The following APH1B variants were observed in gnomAD, a reference collection of about 807,000 sequenced individuals.
APH1B encodes gamma-secretase subunit APH-1B.
A neutral mutation model predicts 28.2 loss-of-function variants in APH1B; 27 were observed. The observed-to-expected ratio is 0.96, with a 90% confidence interval of 0.70 to 1.32. The LOEUF (loss-of-function observed/expected upper bound fraction) is 1.32, where lower values mean the gene tolerates loss of function less well. Ranked by LOEUF, APH1B falls within the 40% of genes most tolerant of loss-of-function variation. The pLI, the probability that APH1B is intolerant of heterozygous loss-of-function variation, is 0.00. For missense variants in APH1B, 305 were observed against 313.6 expected, an observed-to-expected ratio of 0.97 and a Z score of 0.21; for synonymous variants, 141 against 124.6, an observed-to-expected ratio of 1.13 and a Z score of -0.88.
intron 4 of APH1B, among the ~76,000 whole-genome samples, chr15:63,290,123 T>G (rs2038490453): frequency 6.6e-6 from 1 of 152,228 alleles, no homozygotes; most frequent in Non-Finnish European, 1.5e-5. Context: ...CCCAAACATT[T>G]CAGATAAGGG....
chr15:63,284,540 G>A (rs1455203612), intron 2 of APH1B, among the ~76,000 whole-genome samples: 2 of 150,492 alleles, frequency 1.3e-5, no homozygotes, highest in Non-Finnish European at 2.9e-5. Context: ...TTATATGACT[G>A]GCATTGCACT....
intron 1 of APH1B, chr15:63,278,371 G>C (rs1243536747): frequency 1.5e-5 from 7 of 456,452 alleles, no homozygotes; most frequent in Non-Finnish European, 3.1e-5. Flanking sequence ...ACCGGACTCT[G>C]GTGTCCCATC....
At position 63,304,799 on chromosome 15, in the gene APH1B, G is replaced by A. The variant is rs1045710331; in HGVS notation, c.607-815G>A. Among the ~76,000 whole-genome samples the A allele has an allele frequency of 6.6e-6, 1 of 152,188 alleles. No individual in the cohort carries two copies. The highest frequency in any genetic ancestry group is 2.4e-5 in the African/African-American group (1 of 41,434). On this transcript the variant is annotated intron_variant, in intron 5 of 5. Coordinates refer to ENST00000261879, the MANE Select transcript of APH1B (RefSeq NM_031301.4). The surrounding 1 kb of genome is among the most constrained non-coding windows in gnomAD (Gnocchi z 5.1). ...ACAATACAAAACAGTGCAGCACTCT[G>A]TAAAATGAGTTAAAATTCAGTGGAT...
chr15:63,278,242 G>GA (rs11359006), intron 1 of APH1B: 27,134 of 417,628 alleles, frequency 0.065, 6 homozygotes, highest in Non-Finnish European at 0.083. Context: ...TCGGGCTTCA[G>GA]AAAAAAAAAA....
intron 4 of APH1B, among the ~76,000 whole-genome samples, chr15:63,296,618 A>G (rs1039303096): frequency 3.3e-5 from 5 of 151,212 alleles, no homozygotes; most frequent in Non-Finnish European, 7.4e-5. Flanking sequence ...TTTGGGGTAT[A>G]TTCAGGAAGG....
At chr15:63,287,395 G>A in intron 3 of APH1B, 29 bp from the exon 4 acceptor site, 1 of 1,611,210 alleles carries the variant, frequency 6.2e-7, no homozygotes, top group Non-Finnish European at 8.5e-7. Flanking sequence ...GGCAGGAAAA[G>A]AGTTAACAGT....
chr15:63,292,135 T>C (rs1300652954), intron 4 of APH1B: 3 of 152,232 alleles, frequency 2.0e-5, no homozygotes, highest in Non-Finnish European at 4.4e-5. Context: ...TGAAAGCTCT[T>C]TGTAAGCAAG....
chr15:63,304,626 G>A lies in APH1B; in HGVS notation c.607-988G>A, dbSNP rs763343993. 6.6e-6 allele frequency among the ~76,000 whole-genome samples: 1 copy of A among 151,940 alleles called. No individual in the cohort carries two copies. The highest frequency in any genetic ancestry group is 1.5e-5 in the Non-Finnish European group (1 of 67,986). ...TTCTCTTTATGGTTTCACTTTTTGAGCTTTTTAATAAATATTAACCTAGCT... is the reference window on the plus strand; with the variant it reads ...TTCTCTTTATGGTTTCACTTTTTGAACTTTTTAATAAATATTAACCTAGCT... On this transcript the variant is annotated intron_variant, in intron 5 of 5. Transcript: ENST00000261879. This position sits in a 1 kb window ranked among gnomAD's most constrained non-coding sequence, Gnocchi z 5.1.
rs1204781149 is a variant in APH1B at position 63,306,858 on chromosome 15, T to A, written c.*1077T>A. 1.3e-5 allele frequency: 2 copies of A among 152,252 alleles called. No homozygotes were observed. Among genetic ancestry groups the A allele is most frequent in the Admixed American group, 6.5e-5 (1 of 15,286 alleles). The allele number at this position is 152,252 out of a possible 1,614,324, so 9.4% of individuals were successfully genotyped here. On this transcript the variant is annotated 3_prime_UTR_variant, in exon 6 of 6. Transcript: ENST00000261879. ...TGGAAATAGATCTTAAACTGCCAAA[T>A]CTCACACTATTGCATAATCCATATG...
chr15:63,282,900 A>G (rs2038404054), intron 2 of APH1B, among the ~76,000 whole-genome samples: 1 of 152,244 alleles, frequency 6.6e-6, no homozygotes, highest in South Asian at 2.1e-4. Flanking sequence ...GAAAAAGGAT[A>G]GAACAAATGA....
At chr15:63,301,455 A>C (rs1003039711) in intron 4 of APH1B, among the ~76,000 whole-genome samples, 1 of 152,238 alleles carries the variant, frequency 6.6e-6, no homozygotes, top group South Asian at 2.1e-4. Context: ...TAACCAGTAC[A>C]CAAGATACAC....
chr15:63,282,554 G>T (rs923271415), intron 2 of APH1B, among the ~76,000 whole-genome samples: 1 of 151,972 alleles, frequency 6.6e-6, no homozygotes, highest in Non-Finnish European at 1.5e-5. Flanking sequence ...AAGTTATGTT[G>T]CTTAAAATAT....
At position 63,277,652 on chromosome 15, in the gene APH1B, C is replaced by A; in HGVS notation, c.29C>A (p.Ala10Asp). 1.2e-6 allele frequency: 2 copies of A among 1,602,894 alleles called. No homozygotes were observed. The highest frequency in any genetic ancestry group is 1.7e-6 in the Non-Finnish European group (2 of 1,175,150). The change falls in exon 1 of 6, where the codon GCC (alanine) becomes GAC (aspartate). Residue 10 changes from alanine to aspartate, a missense_variant. Coordinates refer to ENST00000261879, the MANE Select transcript of APH1B (RefSeq NM_031301.4). Reference protein sequence around the residue: MTAAVFFGCAFIAFGPALAL... With the variant: MTAAVFFGCDFIAFGPALAL... ...ACTGCGGCCGTGTTCTTCGGCTGCG[C>A]CTTCATTGCCTTCGGGCCTGCGCTC...
intron 4 of APH1B, among the ~76,000 whole-genome samples, chr15:63,288,866 G>A (rs1335688593): frequency 6.6e-6 from 1 of 152,170 alleles, no homozygotes; most frequent in Non-Finnish European, 1.5e-5. Context: ...ATAATCGTAA[G>A]GGGTGTTAGT....
intron 4 of APH1B, among the ~76,000 whole-genome samples, chr15:63,288,667 G>C (rs2038472902): frequency 6.6e-6 from 1 of 152,228 alleles, no homozygotes; most frequent in Non-Finnish European, 1.5e-5. Flanking sequence ...TAGAGGACAA[G>C]AAAGTGTGTT....
intron 4 of APH1B, among the ~76,000 whole-genome samples, chr15:63,290,162 A>G (rs1371391344): frequency 6.6e-6 from 1 of 152,222 alleles, no homozygotes; most frequent in African/African-American, 2.4e-5. Context: ...ATATCTGTCT[A>G]TATTAGTATG....
chr15:63,295,300 C>T (rs2038553257), intron 4 of APH1B, among the ~76,000 whole-genome samples: 2 of 152,212 alleles, frequency 1.3e-5, no homozygotes, highest in South Asian at 2.1e-4. Context: ...ATCCATTGCC[C>T]GCTGCCTGAA....
At chr15:63,292,079 A>G (rs1242739014) in intron 4 of APH1B, 1 of 152,234 alleles carries the variant, frequency 6.6e-6, no homozygotes, top group African/African-American at 2.4e-5. Context: ...TAATATTTTA[A>G]GAATAATCTC....
chr15:63,308,339 G>T lies in APH1B; in HGVS notation c.*2558G>T, dbSNP rs1408784438. The T allele has an allele frequency of 6.6e-6, 1 of 152,132 alleles. No homozygotes were observed. Among genetic ancestry groups the T allele is most frequent in the Non-Finnish European group, 1.5e-5 (1 of 68,024 alleles). 9.4% of individuals were successfully genotyped at this position (152,132 alleles called of 1,614,324 possible). ...TATTTTTGATTCATTTGAATTACTA[G>T]TTATAACTGGAGAAATTTTGTTACC... On this transcript the variant is annotated 3_prime_UTR_variant, in exon 6 of 6. Coordinates refer to ENST00000261879, the MANE Select transcript of APH1B (RefSeq NM_031301.4).
Sources: gnomAD v4.1 joint callset for allele counts (sites outside exome capture counted in the v4.1 genomes callset) on GRCh38, gnomAD v4.1.1 for gene constraint, Gnocchi (gnomAD v3.1) non-coding constraint, MANE v1.5 for transcripts, NCBI Gene and HGNC (gene_info 2026-07-23, HGNC 2026-07-21) for gene names.